The following SLC44A5 variants were observed in gnomAD, a reference collection of about 807,000 sequenced individuals.
SLC44A5 encodes the protein choline transporter-like protein 5.
SLC44A5 carries 57 observed loss-of-function variants against 101.8 expected under a neutral mutation model. That is an observed-to-expected ratio of 0.56 (90% CI 0.45 to 0.70). SLC44A5 has a LOEUF of 0.70. Among genes scored for constraint, SLC44A5 ranks in the 30% least tolerant of loss-of-function variants. The pLI, the probability that SLC44A5 is intolerant of heterozygous loss-of-function variation, is 0.00. For synonymous variants in SLC44A5, 281 were observed against 290.9 expected, an observed-to-expected ratio of 0.97 and a Z score of 0.35; for missense variants, 737 against 853.1, an observed-to-expected ratio of 0.86 and a Z score of 1.70.
chr1:75,569,870 G>C (rs930250250), intron 1 of SLC44A5, among the ~76,000 whole-genome samples: 1 of 152,106 alleles, frequency 6.6e-6, no homozygotes, highest in Non-Finnish European at 1.5e-5. Context: ...TTATATGAGA[G>C]GTAATGCCAG....
intron 22 of SLC44A5, 72 bp downstream of exon 22, chr1:75,213,633 T>G: frequency 9.0e-7 from 1 of 1,105,032 alleles, no homozygotes; most frequent in Middle Eastern, 2.0e-4. Flanking sequence ...AATAAATTTC[T>G]GTTGTTTAAG....
intron 3 of SLC44A5, among the ~76,000 whole-genome samples, chr1:75,380,941 C>A (rs1300511742): frequency 1.2e-5 from 1 of 82,388 alleles, no homozygotes; most frequent in Non-Finnish European, 2.1e-5. Context: ...AGGGAGAGCA[C>A]CAGGATGTTT....
At chr1:75,326,284 G>A (rs1436670564) in intron 4 of SLC44A5, among the ~76,000 whole-genome samples, 2 of 148,128 alleles carry the variant, frequency 1.4e-5, no homozygotes, top group Non-Finnish European at 3.0e-5. Context: ...TTCTCATTTG[G>A]AATACTTTGT....
chr1:75,665,910 A>T, the SLC44A5 span, among the ~76,000 whole-genome samples: 2 of 152,178 alleles, frequency 1.3e-5, no homozygotes, highest in African/African-American at 4.8e-5. Flanking sequence ...CATCAAAACC[A>T]CAATGAGATA....
intron 1 of SLC44A5, among the ~76,000 whole-genome samples, chr1:75,575,840 C>T (rs774198165): frequency 1.3e-5 from 2 of 152,080 alleles, no homozygotes; most frequent in African/African-American, 2.4e-5. Flanking sequence ...GTAGGATACA[C>T]GAAGCCTGAA....
chr1:75,408,348 C>T (rs1570175525), intron 2 of SLC44A5, among the ~76,000 whole-genome samples: 1 of 152,148 alleles, frequency 6.6e-6, no homozygotes, highest in Non-Finnish European at 1.5e-5. Context: ...TTTGACCCAG[C>T]AATCCTATTA....
intron 4 of SLC44A5, among the ~76,000 whole-genome samples, chr1:75,325,221 G>C (rs1259789192): frequency 2.0e-5 from 3 of 152,084 alleles, no homozygotes; most frequent in Admixed American, 6.6e-5. Context: ...TCACATGTGA[G>C]TAAAAGACAG....
rs1647011498 is a variant in SLC44A5 at position 75,218,597 on chromosome 1, T to G, written c.1422A>C (p.Leu474Phe). 1 of 1,613,786 alleles carries G rather than the reference T, an allele frequency of 6.2e-7. No individual in the cohort carries two copies. The highest frequency in any genetic ancestry group is 8.5e-7 in the Non-Finnish European group (1 of 1,179,838). ...ATGCACCAGCAAGGGCGCACTGACC[T>G]AATGCAATGACGAAGTTTATAAGCC... ...FLWLINFVIALGQCALAGAFA... is the reference protein window; with the variant it reads ...FLWLINFVIAFGQCALAGAFA... The change falls in exon 17 of 24, where the codon TTA becomes TTC. Residue 474 changes from leucine to phenylalanine, a missense_variant. Physicochemically the swap from Leu to Phe is conservative, Grantham distance 22 (BLOSUM62 0). Coordinates refer to ENST00000370859, the MANE Select transcript of SLC44A5 (RefSeq NM_001130058.2).
chr1:75,709,660 A>C, the SLC44A5 span, among the ~76,000 whole-genome samples: 5 of 152,158 alleles, frequency 3.3e-5, no homozygotes, highest in Non-Finnish European at 7.4e-5. Flanking sequence ...ATCTCTCCTA[A>C]ATCTGTAGCT....
At chr1:75,256,454 TGAAGTGTGA>T (rs1650028908) in intron 6 of SLC44A5, among the ~76,000 whole-genome samples, 1 of 152,176 alleles carries the variant, frequency 6.6e-6, no homozygotes, top group South Asian at 2.1e-4. Context: ...ATGCTGCTAA[TGAAGTGTGA>T]GATTTGGCTT....
chr1:75,521,105 A>C (rs1293117503), intron 2 of SLC44A5, among the ~76,000 whole-genome samples: 1 of 152,220 alleles, frequency 6.6e-6, no homozygotes, highest in African/African-American at 2.4e-5. Context: ...ACTCTGTTCA[A>C]CCTTACACAA....
intron 1 of SLC44A5, among the ~76,000 whole-genome samples, chr1:75,592,484 G>A (rs1674408603): frequency 6.6e-6 from 1 of 151,982 alleles, no homozygotes; most frequent in Admixed American, 6.6e-5. Flanking sequence ...CACATAAATA[G>A]AAAAAACAAT....
intron 2 of SLC44A5, among the ~76,000 whole-genome samples, chr1:75,430,121 G>C (rs1030971568): frequency 6.6e-6 from 1 of 152,188 alleles, no homozygotes; most frequent in Admixed American, 6.5e-5. Flanking sequence ...GTGCAGCAGT[G>C]TTGGGAGATG....
intron 2 of SLC44A5, among the ~76,000 whole-genome samples, chr1:75,424,556 C>T (rs1664197888): frequency 6.6e-6 from 1 of 152,160 alleles, no homozygotes. Flanking sequence ...CTGCCCGCCT[C>T]GGCCTCTCTA....
chr1:75,537,163 T>C (rs530244367), intron 2 of SLC44A5, among the ~76,000 whole-genome samples: 1 of 152,060 alleles, frequency 6.6e-6, no homozygotes, highest in Non-Finnish European at 1.5e-5. Flanking sequence ...TGTATGTAAT[T>C]ATATGTGAAA....
intron 1 of SLC44A5, among the ~76,000 whole-genome samples, chr1:75,575,869 A>G (rs1673331434): frequency 6.6e-6 from 1 of 152,148 alleles, no homozygotes; most frequent in Non-Finnish European, 1.5e-5. Flanking sequence ...TTAACTATGG[A>G]CTCCTAGGAA....
the SLC44A5 span, among the ~76,000 whole-genome samples, chr1:75,708,413 CAAAAAAA>C: frequency 7.7e-5 from 3 of 39,062 alleles, no homozygotes; most frequent in South Asian, 1.1e-3. Context: ...GACTCCGTCT[CAAAAAAA>C]AAAAAAAAAA....
chr1:75,293,476 T>G (rs1326570056), intron 5 of SLC44A5, among the ~76,000 whole-genome samples: 1 of 152,196 alleles, frequency 6.6e-6, no homozygotes, highest in African/African-American at 2.4e-5. Context: ...ATCATTACTT[T>G]GTATCCCTTA....
intron 4 of SLC44A5, among the ~76,000 whole-genome samples, chr1:75,336,193 TCA>T: frequency 6.6e-6 from 1 of 152,242 alleles, no homozygotes; most frequent in East Asian, 1.9e-4. Flanking sequence ...TCTTTCTCTG[TCA>T]CCCAGGCTGG....
Sources: gnomAD v4.1 joint callset for allele counts (sites outside exome capture counted in the v4.1 genomes callset) on GRCh38, gnomAD v4.1.1 for gene constraint, MANE v1.5 for transcripts, NCBI Gene and HGNC (gene_info 2026-07-23, HGNC 2026-07-21) for gene names.